The following RASEF variants were observed in gnomAD, a reference collection of about 807,000 sequenced individuals.
RASEF encodes the protein RAS and EF-hand domain containing.
Under a neutral mutation model 90.1 loss-of-function variants are expected in RASEF, and 68 were observed. The ratio of observed to expected loss-of-function variants is 0.75; its 90% CI spans 0.62 to 0.92. RASEF has a LOEUF of 0.92. Ranked by LOEUF, RASEF falls within the 40% of genes least tolerant of loss-of-function variation. The pLI, the probability that RASEF is intolerant of heterozygous loss-of-function variation, is 0.00. For synonymous variants in RASEF, 331 were observed against 345.2 expected, an observed-to-expected ratio of 0.96 and a Z score of 0.46; for missense variants, 949 against 937.2, an observed-to-expected ratio of 1.01 and a Z score of -0.16.
chr9:83,039,624 G>A (rs75468345), intron 1 of RASEF, among the ~76,000 whole-genome samples: 2,093 of 152,258 alleles, frequency 0.014, 40 homozygotes, highest in African/African-American at 0.048. Flanking sequence ...AACACAGTGA[G>A]AAAGTAGGAG....
chr9:83,173,404 T>G, the RASEF span, among the ~76,000 whole-genome samples: 1 of 151,834 alleles, frequency 6.6e-6, no homozygotes, highest in Non-Finnish European at 1.5e-5. Flanking sequence ...TTTTCTAGAT[T>G]TTGTAAATGT....
chr9:83,001,656 T>A (rs981546357), intron 9 of RASEF, among the ~76,000 whole-genome samples: 1 of 152,214 alleles, frequency 6.6e-6, no homozygotes, highest in African/African-American at 2.4e-5. Context: ...ATGGTTTCTC[T>A]CTTCAAATAC....
chr9:83,014,978 A>G (rs1268405617), intron 4 of RASEF, among the ~76,000 whole-genome samples: 1 of 152,240 alleles, frequency 6.6e-6, no homozygotes, highest in East Asian at 1.9e-4. Flanking sequence ...AACCAACCAC[A>G]TTAAACAAAC....
At chr9:83,067,446 CTT>C (rs1830290251), upstream of RASEF, among the ~76,000 whole-genome samples, 1 of 152,290 alleles carries the variant, frequency 6.6e-6, no homozygotes, top group East Asian at 1.9e-4. Context: ...AATAATAACA[CTT>C]ATATACTGCT....
chr9:83,191,289 A>G, the RASEF span, among the ~76,000 whole-genome samples: 1 of 152,206 alleles, frequency 6.6e-6, no homozygotes, highest in African/African-American at 2.4e-5. Flanking sequence ...CAAAGACTCC[A>G]GAAAAGATCA....
the RASEF span, among the ~76,000 whole-genome samples, chr9:83,209,477 T>C: frequency 6.6e-6 from 1 of 152,370 alleles, no homozygotes; most frequent in African/African-American, 2.4e-5. Flanking sequence ...ACAGCATGTG[T>C]GAAGGCTTCC....
At chr9:83,046,657 T>G (rs1476539450) in intron 1 of RASEF, among the ~76,000 whole-genome samples, 1 of 152,136 alleles carries the variant, frequency 6.6e-6, no homozygotes, top group Non-Finnish European at 1.5e-5. Flanking sequence ...TAAACAAATG[T>G]GGGTTGGCTC....
At chr9:83,007,103 A>AC (rs933916273) in intron 7 of RASEF, among the ~76,000 whole-genome samples, 4 of 151,544 alleles carry the variant, frequency 2.6e-5, no homozygotes, top group African/African-American at 9.7e-5. Context: ...CAAAAAAAAA[A>AC]AAAAAAACTC....
At chr9:83,199,160 G>A in the RASEF span, among the ~76,000 whole-genome samples, 4 of 145,506 alleles carry the variant, frequency 2.7e-5, no homozygotes, top group African/African-American at 1.0e-4. Flanking sequence ...ACATTCGGAA[G>A]TTGGAAGTTA....
upstream of RASEF, among the ~76,000 whole-genome samples, chr9:83,064,773 G>A (rs1830267345): frequency 6.6e-6 from 1 of 152,084 alleles, no homozygotes; most frequent in Non-Finnish European, 1.5e-5. Flanking sequence ...GAGTCATCAA[G>A]AAACACGAAT....
the RASEF span, among the ~76,000 whole-genome samples, chr9:83,134,101 A>G: frequency 6.6e-6 from 1 of 152,184 alleles, no homozygotes; most frequent in Non-Finnish European, 1.5e-5. Flanking sequence ...ACAGATATCA[A>G]TACTAACATA....
chr9:82,989,899 C>A (rs1481985410), intron 16 of RASEF, among the ~76,000 whole-genome samples: 1 of 152,122 alleles, frequency 6.6e-6, no homozygotes, highest in Non-Finnish European at 1.5e-5. Context: ...TTAATGATGC[C>A]ATTTTCATTC....
At chr9:82,989,702 G>T (rs1156638506) in intron 16 of RASEF, among the ~76,000 whole-genome samples, 1 of 152,086 alleles carries the variant, frequency 6.6e-6, no homozygotes, top group Non-Finnish European at 1.5e-5. Context: ...AAAGATGATT[G>T]CTCTGAAATT....
intron 1 of RASEF, among the ~76,000 whole-genome samples, chr9:83,060,118 C>A (rs951690680): frequency 2.6e-5 from 4 of 152,090 alleles, no homozygotes; most frequent in African/African-American, 9.7e-5. Flanking sequence ...TGTGAACACT[C>A]CCCAGGATAG....
rs868521584 is a variant in RASEF at position 83,005,416 on chromosome 9, C to A, written c.1113G>T (p.Leu371Phe). 2 of 1,605,156 alleles carry A rather than the reference C, an allele frequency of 1.2e-6. No homozygotes were observed. Among genetic ancestry groups the A allele is most frequent in the African/African-American group, 1.3e-5 (1 of 74,666 alleles). Reference sequence around the variant, plus strand: ...TACATGGTAAAACTATGTGGCATACCAAAGATCTGTTGAACTTGCTATAAC... The same window carrying A: ...TACATGGTAAAACTATGTGGCATACAAAAGATCTGTTGAACTTGCTATAAC... ...ENSYSKFNRS[L>F]HINNISPGNT... is the part of the protein sequence containing the mutation. The change falls in exon 8 of 17, where the codon TTG (leucine) becomes TTT (phenylalanine). Residue 371 changes from leucine (L) to phenylalanine (F), a missense_variant and splice_region_variant. By Grantham distance (22) the Leu-to-Phe change is conservative. Coordinates refer to ENST00000376447, the MANE Select transcript of RASEF (RefSeq NM_152573.4).
chr9:83,179,613 G>A, the RASEF span, among the ~76,000 whole-genome samples: 6 of 152,096 alleles, frequency 3.9e-5, no homozygotes, highest in African/African-American at 9.7e-5. Flanking sequence ...ATATCCTATC[G>A]ACCACAGTGC....
At chr9:82,987,584 A>T (rs1290187520) in intron 16 of RASEF, among the ~76,000 whole-genome samples, 1 of 152,208 alleles carries the variant, frequency 6.6e-6, no homozygotes, top group Admixed American at 6.5e-5. Flanking sequence ...AAGGCACAGG[A>T]AACTTACAGC....
the RASEF span, among the ~76,000 whole-genome samples, chr9:83,135,123 A>T: frequency 6.6e-6 from 1 of 152,060 alleles, no homozygotes; most frequent in African/African-American, 2.4e-5. Flanking sequence ...GGGGTACAGG[A>T]TTTCTTTGGG....
In RASEF at chr9:82,981,448, TAC is replaced by T. The variant is rs1445557553; in HGVS notation, c.*1227_*1228del. 6.6e-6 allele frequency: 1 copy of T among 152,236 alleles called. No individual in the cohort carries two copies. The highest frequency in any genetic ancestry group is 1.9e-4 in the East Asian group (1 of 5,198). The allele number at this position is 152,236 out of a possible 1,614,324, so 9.4% of individuals were successfully genotyped here. A position where few individuals can be genotyped will look rare whatever the true frequency, so the allele number is the denominator to read the frequency against. On this transcript the variant is annotated 3_prime_UTR_variant, in exon 17 of 17. Transcript: ENST00000376447. ...GCATAGAATTTCTTTCATTGATTAT[TAC>T]TTAAGGAAGTTAATGTTAGCAACCA...
Sources: allele counts gnomAD v4.1 joint callset (sites outside exome capture counted in the v4.1 genomes callset), GRCh38; gene constraint gnomAD v4.1.1; transcripts MANE v1.5; gene names NCBI Gene and HGNC (gene_info 2026-07-23, HGNC 2026-07-21).